ZNF248: variants seen among roughly 807,000 people sequenced by gnomAD.
ZNF248 encodes KRAB protein domain.
A neutral mutation model predicts 44.3 loss-of-function variants in ZNF248; 20 were observed. The ratio of observed to expected loss-of-function variants is 0.45; its 90% CI spans 0.32 to 0.66. ZNF248 has a LOEUF of 0.66. ZNF248 is among the 30% of genes least tolerant of loss of function. The probability of loss-of-function intolerance (pLI) is 0.04; values close to 1 mark genes in which losing one functional copy is unlikely to be tolerated. For missense variants in ZNF248, 654 were observed against 677.0 expected, an observed-to-expected ratio of 0.97 and a Z score of 0.38; for synonymous variants, 224 against 229.0, an observed-to-expected ratio of 0.98 and a Z score of 0.20.
chr10:37,824,673 A>ATTTTTTTTTTTTTTTTT (rs755411927), downstream of ZNF248, among the ~76,000 whole-genome samples: 257 of 79,728 alleles, frequency 3.2e-3, 53 homozygotes, highest in Non-Finnish European at 3.9e-3. Flanking sequence ...ATTATTTTAA[A>ATTTTTTTTTTTTTTTTT]TTTTTTTTTT....
chr10:37,772,364 T>C (rs1564439721), downstream of ZNF248, among the ~76,000 whole-genome samples: 1 of 152,156 alleles, frequency 6.6e-6, no homozygotes, highest in Non-Finnish European at 1.5e-5. Flanking sequence ...GTATGCACTG[T>C]GTGTGTCTGT....
At chr10:37,848,720 C>T (rs548790514) in intron 3 of ZNF248, among the ~76,000 whole-genome samples, 2 of 152,228 alleles carry the variant, frequency 1.3e-5, no homozygotes, top group Admixed American at 6.5e-5. Flanking sequence ...GCACAGCCAC[C>T]AGCTTGGAGA....
chr10:37,806,405 C>T lies in ZNF248; in HGVS notation c.330+26620G>A, dbSNP rs556941919. ...TTCTTTCCATCTCCTTTCTTTCTCC[C>T]TCCCTTCCTTCTTTTGATAGTAGCC... On this transcript the variant is annotated intron_variant, in intron 6 of 6. Transcript: ENST00000615949. 2.0e-5 allele frequency among the ~76,000 whole-genome samples: 3 copies of T among 152,154 alleles called. No homozygotes were observed. In the East Asian group the frequency reaches 5.8e-4, roughly 29 times the overall value.
At chr10:37,820,251 T>G (rs1215217062) in intron 6 of ZNF248, 6 of 1,359,170 alleles carry the variant, frequency 4.4e-6, no homozygotes, top group East Asian at 2.3e-5. Context: ...GATCTGTTTT[T>G]GGGAGCTGCA....
chr10:37,817,217 G>C (rs759224201), intron 6 of ZNF248, among the ~76,000 whole-genome samples: 10 of 152,112 alleles, frequency 6.6e-5, no homozygotes, highest in Non-Finnish European at 1.2e-4. Context: ...AGGAAGACGG[G>C]AGGGCACTGA....
chr10:37,762,524 G>A, the ZNF248 span, among the ~76,000 whole-genome samples: 1 of 152,160 alleles, frequency 6.6e-6, no homozygotes, highest in African/African-American at 2.4e-5. Flanking sequence ...GCCAAATCTG[G>A]CTGAGAATCT....
chr10:37,846,260 T>C (rs532064162), intron 3 of ZNF248, among the ~76,000 whole-genome samples: 9 of 152,356 alleles, frequency 5.9e-5, no homozygotes, highest in African/African-American at 1.9e-4. Flanking sequence ...AGAGGAATTA[T>C]AGAATTCGAA....
At chr10:37,774,174 A>G (rs769239040), downstream of ZNF248, among the ~76,000 whole-genome samples, 54 of 152,126 alleles carry the variant, frequency 3.5e-4, no homozygotes, top group Non-Finnish European at 6.0e-4. Context: ...TCTACTCTAG[A>G]TCTGTCAACA....
intron 6 of ZNF248, chr10:37,820,839 A>C: frequency 8.4e-7 from 1 of 1,193,368 alleles, no homozygotes; most frequent in East Asian, 2.3e-5. Context: ...AATATTTCCC[A>C]TTCTGTTTTG....
At chr10:37,839,760 T>C (rs1167849541) in intron 3 of ZNF248, among the ~76,000 whole-genome samples, 1 of 152,128 alleles carries the variant, frequency 6.6e-6, no homozygotes. Context: ...TACTGATGGA[T>C]CAAGCAGGCA....
chr10:37,792,348 C>T (rs2048658056), intron 6 of ZNF248, among the ~76,000 whole-genome samples: 1 of 152,174 alleles, frequency 6.6e-6, no homozygotes, highest in Non-Finnish European at 1.5e-5. Flanking sequence ...AATAAATATC[C>T]ATGAGGCCAC....
At chr10:37,791,855 A>C (rs982469052) in intron 6 of ZNF248, 9 of 152,192 alleles carry the variant, frequency 5.9e-5, no homozygotes, top group Non-Finnish European at 1.3e-4. Context: ...GCAAGCACAA[A>C]TGGACTGAAA....
downstream of ZNF248, among the ~76,000 whole-genome samples, chr10:37,827,852 T>G (rs1460969494): frequency 2.0e-5 from 3 of 151,868 alleles, no homozygotes; most frequent in Non-Finnish European, 4.4e-5. Flanking sequence ...ACAGGTAGGG[T>G]GTGAAGTGAC....
downstream of ZNF248, among the ~76,000 whole-genome samples, chr10:37,773,922 G>T (rs912843765): frequency 1.3e-5 from 2 of 151,914 alleles, no homozygotes; most frequent in African/African-American, 4.8e-5. Flanking sequence ...CAGCCTGCTG[G>T]CCTGCCCTAC....
In ZNF248 at chr10:37,829,917, G is replaced by C. The variant is rs1422763261; in HGVS notation, c.*1698C>G. The C allele has an allele frequency of 8.1e-6, 8 of 985,254 alleles. No homozygotes were observed. Among genetic ancestry groups the C allele is most frequent in the African/African-American group, 1.7e-5 (1 of 57,224 alleles). 61.0% of individuals were successfully genotyped at this position (985,254 alleles called of 1,614,324 possible). On this transcript the variant is annotated 3_prime_UTR_variant, in exon 6 of 6. Coordinates refer to ENST00000395867, the MANE Select transcript of ZNF248 (RefSeq NM_021045.3). ...TGGACTTACCACCTAAGTCATCTGG[G>C]AGAAGGATGCACAAAAATATAAAAT... is the stretch of plus-strand genomic sequence containing the variant.
In ZNF248 at chr10:37,837,695, G is replaced by T; in HGVS notation, c.160C>A (p.Pro54Thr). 6.2e-7 allele frequency: 1 copy of T among 1,613,990 alleles called. No individual in the cohort carries two copies. The highest frequency in any genetic ancestry group is 1.1e-5 in the South Asian group (1 of 91,074). ...TGCTCGATCTTAAAGATCACTTCTG[G>T]TTTAGTAATGCAATACCCTGTTAAG... is the stretch of plus-strand genomic sequence containing the variant. Reference protein sequence around the residue: ...LVSVGYCITKPEVIFKIEQGE... With the variant: ...LVSVGYCITKTEVIFKIEQGE... The change falls in exon 5 of 6, where the codon CCA becomes ACA. Residue 54 changes from proline (P) to threonine (T), a missense_variant. Physicochemically the swap from Pro to Thr is conservative, Grantham distance 38 (BLOSUM62 -1). Coordinates refer to ENST00000395867, the MANE Select transcript of ZNF248 (RefSeq NM_021045.3).
At chr10:37,805,425 T>C (rs909377310) in intron 6 of ZNF248, among the ~76,000 whole-genome samples, 1 of 152,204 alleles carries the variant, frequency 6.6e-6, no homozygotes. Flanking sequence ...ATATATGATA[T>C]ATACTAAACC....
the ZNF248 span, among the ~76,000 whole-genome samples, chr10:37,768,019 G>C: frequency 6.6e-6 from 1 of 152,118 alleles, no homozygotes; most frequent in African/African-American, 2.4e-5. Context: ...CAGATCAAAA[G>C]AGACAAAGAA....
downstream of ZNF248, among the ~76,000 whole-genome samples, chr10:37,772,419 C>A (rs2046291140): frequency 6.6e-6 from 1 of 152,178 alleles, no homozygotes; most frequent in African/African-American, 2.4e-5. Flanking sequence ...CACTGCTGAA[C>A]TCCAAGTGGG....
Sources: allele counts gnomAD v4.1 joint callset (sites outside exome capture counted in the v4.1 genomes callset), GRCh38; gene constraint gnomAD v4.1.1; transcripts MANE v1.5; gene names NCBI Gene and HGNC (gene_info 2026-07-23, HGNC 2026-07-21).